The following CUL4B variants were observed in gnomAD, a reference collection of about 807,000 sequenced individuals.
CUL4B encodes the protein cullin-4B.
A neutral mutation model predicts 69.2 loss-of-function variants in CUL4B; 1 was observed. The ratio of observed to expected loss-of-function variants is 0.01; its 90% CI spans 0.01 to 0.07. CUL4B has a LOEUF of 0.07. Among genes scored for constraint, CUL4B ranks in the 10% least tolerant of loss-of-function variants. CUL4B has a pLI of 1.00. For missense variants in CUL4B, 328 were observed against 638.8 expected (o/e 0.51, Z 5.24); for synonymous variants, 237 against 223.2 (o/e 1.06, Z -0.55).
At position 120,541,669 on chromosome X, in the gene CUL4B, T is replaced by C. The variant is rs748040218; in HGVS notation, c.1376A>G (p.Tyr459Cys). ...ENRIQDLSLL[Y>C]QLFSRVRGGV... ...ACCTCGAACTCTACTGAAGAGCTGA[T>C]ACAGAAGAGACAAATCTTGAATTCG... The change falls in exon 10 of 20, where the codon TAT becomes TGT. Residue 459 changes from tyrosine to cysteine, a missense_variant. Physicochemically the swap from Tyr to Cys is radical, Grantham distance 194. This residue lies in a region of CUL4B where 126 missense variants were observed against 202.5 expected (regional missense o/e 0.62). Coordinates refer to ENST00000371322, the MANE Select transcript of CUL4B (RefSeq NM_001079872.2). 8.3e-7 allele frequency: 1 copy of C among 1,208,816 alleles called. No individual in the cohort carries two copies. Among genetic ancestry groups the C allele is most frequent in the Non-Finnish European group, 1.1e-6 (1 of 892,752 alleles).
chrX:120,534,338 G>C (rs1403889860), intron 17 of CUL4B, 143 bp downstream of exon 17: 1 of 489,505 alleles, frequency 2.0e-6, no homozygotes, highest in African/African-American at 2.4e-5. Context: ...CTGGGTGACA[G>C]AGTGAGACCC....
intron 10 of CUL4B, among the ~76,000 whole-genome samples, chrX:120,541,004 G>A (rs899258615): frequency 8.9e-6 from 1 of 111,944 alleles, no homozygotes; most frequent in Non-Finnish European, 1.9e-5. Flanking sequence ...TGGCAATCTG[G>A]CTTTAGTGTA....
chrX:120,552,796 T>C (rs1404662012), intron 2 of CUL4B, among the ~76,000 whole-genome samples: 1 of 112,362 alleles, frequency 8.9e-6, no homozygotes. Flanking sequence ...TGGTCACTGG[T>C]CTAAGGAGTG....
rs368517538 is a variant in CUL4B at position 120,544,471 on chromosome X, G to A, written c.1083+10C>T. 1.3e-5 allele frequency: 16 copies of A among 1,209,479 alleles called. No individual in the cohort carries two copies. The highest frequency in any genetic ancestry group is 1.8e-5 in the Non-Finnish European group (16 of 893,515). On this transcript the variant is annotated intron_variant, in intron 6 of 19. Coordinates refer to ENST00000371322, the MANE Select transcript of CUL4B (RefSeq NM_001079872.2). The stretch of plus-strand genomic sequence containing the variant: ...TCAGCTCTGTATAGTAGGTGTAGTA[G>A]TTAACTTACTTGCAAATCAGACAGC...
In CUL4B at chrX:120,560,228, C is replaced by T. The variant is rs1022678432; in HGVS notation, c.411G>A (p.Gln137=). The T allele has an allele frequency of 1.7e-6, 2 of 1,211,624 alleles. No homozygotes were observed. The highest frequency in any genetic ancestry group is 4.3e-5 in the Admixed American group (2 of 46,035). ...TTAATATACTCTTATTTTTAAGTTGCTGCTGCTGAGATGTTGCAGCAGTTG... is the reference window on the plus strand; with the variant it reads ...TTAATATACTCTTATTTTTAAGTTGTTGCTGCTGAGATGTTGCAGCAGTTG... The part of the protein sequence containing the change: ...SSPTAATSQQ[Q]QLKNKSILIS... The change falls in exon 1 of 20, where the codon CAG becomes CAA. Residue 137 remains glutamine (Q), a synonymous_variant. Transcript: ENST00000371322.
intron 19 of CUL4B, among the ~76,000 whole-genome samples, chrX:120,528,108 G>A (rs1225556668): frequency 8.9e-6 from 1 of 111,809 alleles, no homozygotes; most frequent in Non-Finnish European, 1.9e-5. Context: ...AAAACGTACT[G>A]ATGAAATCAC....
chrX:120,538,324 A>G (rs1353427330), intron 13 of CUL4B, 115 bp from the exon 14 acceptor site: 16 of 494,665 alleles, frequency 3.2e-5, no homozygotes, highest in African/African-American at 9.5e-5. Context: ...TGTAACTTTC[A>G]TAAGAATAAA....
downstream of CUL4B, among the ~76,000 whole-genome samples, chrX:120,568,171 A>G (rs767435258): frequency 1.8e-5 from 2 of 111,244 alleles, no homozygotes; most frequent in South Asian, 7.5e-4. Flanking sequence ...GACTGGAGGT[A>G]AACAGAACTA....
upstream of CUL4B, among the ~76,000 whole-genome samples, chrX:120,566,400 T>TGTATATA (rs1925548184): frequency 1.1e-5 from 1 of 88,720 alleles, no homozygotes; most frequent in Non-Finnish European, 2.2e-5. Flanking sequence ...TGTATATATA[T>TGTATATA]TTGGGTTTTT....
chrX:120,559,889 G>A lies in CUL4B; in HGVS notation c.556+194C>T, dbSNP rs764044610. ...TACTGCACAGAAACACCCGGTGTATGCTTCAGCACAAGGATCCTAACCACC... is the reference window on the plus strand; with the variant it reads ...TACTGCACAGAAACACCCGGTGTATACTTCAGCACAAGGATCCTAACCACC... On this transcript the variant is annotated intron_variant, in intron 1 of 19. Coordinates refer to ENST00000371322, the MANE Select transcript of CUL4B (RefSeq NM_001079872.2). 93 of 1,139,786 alleles carry A rather than the reference G, an allele frequency of 8.2e-5. No homozygotes were observed. The South Asian group carries it at 1.3e-3, about 15-fold the overall frequency. The allele number at this position is 1,139,786 out of a possible 1,213,427, so 93.9% of individuals were successfully genotyped here. A position where few individuals can be genotyped will look rare whatever the true frequency, so the allele number is the denominator to read the frequency against.
At chrX:120,549,876 T>C (rs1405571111) in intron 2 of CUL4B, among the ~76,000 whole-genome samples, 2 of 112,223 alleles carry the variant, frequency 1.8e-5, no homozygotes, top group South Asian at 3.7e-4. Flanking sequence ...GCATTTCTTA[T>C]CGCTTTGCTT....
At chrX:120,552,836 A>T (rs1924764767) in intron 2 of CUL4B, among the ~76,000 whole-genome samples, 1 of 112,510 alleles carries the variant, frequency 8.9e-6, no homozygotes, top group Non-Finnish European at 1.9e-5. Flanking sequence ...ATGTTTACAG[A>T]TAGTAAGTAA....
intron 2 of CUL4B, among the ~76,000 whole-genome samples, chrX:120,557,656 T>C (rs946990618): frequency 8.9e-6 from 1 of 111,870 alleles, no homozygotes; most frequent in African/African-American, 3.3e-5. Context: ...GATTACATTA[T>C]AGGTAGAACT....
chrX:120,532,768 T>A (rs1488343692), intron 17 of CUL4B, among the ~76,000 whole-genome samples, 174 bp from the exon 18 acceptor site: 1 of 111,800 alleles, frequency 8.9e-6, no homozygotes, highest in Non-Finnish European at 1.9e-5. Context: ...CCTCTTCTTT[T>A]TTAAAAAAAA....
chrX:120,574,613 A>G lies in CUL4B; in HGVS notation c.5T>C (p.Met2Thr). The stretch of plus-strand genomic sequence containing the variant: ...ATCTCCTGATCCAGATGACTGTGAC[A>G]TCATCCGTCCTTTGGGTCTACGATA... Residue 2 changes from methionine (M) to threonine (T), a missense_variant, in exon 2 of 3, where the codon ATG (methionine) becomes ACG (threonine). Transcript: ENST00000486604. The G allele has an allele frequency of 8.3e-7, 1 of 1,201,867 alleles. No homozygotes were observed. Among genetic ancestry groups the G allele is most frequent in the Non-Finnish European group, 1.1e-6 (1 of 886,249 alleles).
intron 2 of CUL4B, among the ~76,000 whole-genome samples, chrX:120,553,087 T>C (rs774354111): frequency 4.4e-5 from 5 of 112,439 alleles, no homozygotes; most frequent in Non-Finnish European, 9.4e-5. Flanking sequence ...TTAAAATTTT[T>C]TATTATTTAA....
At chrX:120,553,031 A>G (rs1275521744) in intron 2 of CUL4B, among the ~76,000 whole-genome samples, 1 of 112,446 alleles carries the variant, frequency 8.9e-6, no homozygotes, top group Admixed American at 9.4e-5. Flanking sequence ...CAGGACTTAA[A>G]TAAGACTGAA....
At chrX:120,533,863 C>T (rs1258364438) in intron 17 of CUL4B, among the ~76,000 whole-genome samples, 1 of 110,129 alleles carries the variant, frequency 9.1e-6, no homozygotes, top group Non-Finnish European at 1.9e-5. Context: ...GTCAGGAGTT[C>T]GAGACCAGCC....
Position 120,540,411 on chromosome X carries a change from G to A in CUL4B, c.1595C>T (p.Thr532Met). The A allele has an allele frequency of 1.7e-6, 2 of 1,209,829 alleles. No individual in the cohort carries two copies. The highest frequency in any genetic ancestry group is 2.2e-6 in the Non-Finnish European group (2 of 894,003). The part of the protein sequence containing the change: ...FINAMKEAFE[T>M]FINKRPNKPA... ...TTTATTTGGTCTTTTGTTAATGAAC[G>A]TTTCAAATGCTTCTTTCATGGCATT... Residue 532 changes from threonine (T) to methionine (M), a missense_variant, in exon 11 of 20, where the codon ACG becomes ATG. Transcript: ENST00000371322.
Sources: gnomAD v4.1 joint callset for allele counts (sites outside exome capture counted in the v4.1 genomes callset) on GRCh38, gnomAD v4.1.1 for gene constraint, gnomAD v4.1.1 regional missense constraint, MANE v1.5 for transcripts, NCBI Gene and HGNC (gene_info 2026-07-23, HGNC 2026-07-21) for gene names.